Variants in VPS13C observed in about 807,000 individuals in gnomAD.
VPS13C encodes intermembrane lipid transfer protein VPS13C.
VPS13C carries 358 observed loss-of-function variants against 456.8 expected under a neutral mutation model. The observed-to-expected ratio is 0.78, with a 90% confidence interval of 0.72 to 0.86. The LOEUF (loss-of-function observed/expected upper bound fraction) is 0.86, where lower values mean the gene tolerates loss of function less well. Ranked by LOEUF, VPS13C falls within the 40% of genes least tolerant of loss-of-function variation. The pLI, the probability that VPS13C is intolerant of heterozygous loss-of-function variation, is 0.00. For synonymous variants in VPS13C, 1,578 were observed against 1,486.7 expected (o/e 1.06, Z -1.41); for missense variants, 4,818 against 4,385.4 (o/e 1.10, Z -2.79).
At chr15:61,952,606 T>A (rs1048316600) in intron 38 of VPS13C, among the ~76,000 whole-genome samples, 2 of 152,200 alleles carry the variant, frequency 1.3e-5, no homozygotes, top group African/African-American at 4.8e-5. Context: ...AAAACCTTCA[T>A]TAACTCTGAT....
At chr15:61,859,465 A>T (rs1894105822) in intron 82 of VPS13C, among the ~76,000 whole-genome samples, 1 of 152,186 alleles carries the variant, frequency 6.6e-6, no homozygotes, top group African/African-American at 2.4e-5. Context: ...GCTGCTACCT[A>T]TGACTGATCT....
At chr15:61,991,609 T>C (rs1202687856) in intron 17 of VPS13C, 64 bp downstream of exon 17, 3 of 1,505,262 alleles carry the variant, frequency 2.0e-6, no homozygotes, top group Non-Finnish European at 2.7e-6. Flanking sequence ...ACAGGGAAGA[T>C]ATAATTTACA....
chr15:61,900,248 G>A (rs2042956157), intron 66 of VPS13C, among the ~76,000 whole-genome samples: 4 of 152,140 alleles, frequency 2.6e-5, no homozygotes, highest in Admixed American at 2.6e-4. Flanking sequence ...ACATAGTGTT[G>A]GAAGTTCTTG....
intron 67 of VPS13C, among the ~76,000 whole-genome samples, chr15:61,888,482 G>T (rs1448405638): frequency 1.3e-5 from 2 of 152,004 alleles, no homozygotes; most frequent in African/African-American, 4.8e-5. Flanking sequence ...ACAAACTGGA[G>T]TAATAGTCCA....
intron 15 of VPS13C, among the ~76,000 whole-genome samples, chr15:62,002,105 C>G (rs540413576): frequency 6.6e-6 from 1 of 152,170 alleles, no homozygotes; most frequent in Non-Finnish European, 1.5e-5. Context: ...CTGACTTCCA[C>G]AATGGTTGAA....
intron 1 of VPS13C, among the ~76,000 whole-genome samples, chr15:62,059,450 C>T (rs1281662642): frequency 6.6e-6 from 1 of 151,818 alleles, no homozygotes; most frequent in Non-Finnish European, 1.5e-5. Flanking sequence ...ACACGTAATT[C>T]ATGCAAACGA....
intron 40 of VPS13C, among the ~76,000 whole-genome samples, 170 bp from the exon 41 acceptor site, chr15:61,950,587 T>C (rs1404006302): frequency 2.7e-5 from 4 of 150,834 alleles, no homozygotes; most frequent in Non-Finnish European, 5.9e-5. Flanking sequence ...ACTGACCACA[T>C]AAGCATTTCT....
At chr15:61,904,615 C>T (rs1480524408) in intron 66 of VPS13C, among the ~76,000 whole-genome samples, 1 of 151,922 alleles carries the variant, frequency 6.6e-6, no homozygotes, top group East Asian at 1.9e-4. Context: ...AAAAACAGAA[C>T]TATAATCCGC....
intron 75 of VPS13C, among the ~76,000 whole-genome samples, chr15:61,876,440 A>G (rs1423031985): frequency 6.6e-6 from 1 of 152,058 alleles, no homozygotes; most frequent in Non-Finnish European, 1.5e-5. Flanking sequence ...AAGGGAAAAC[A>G]TATCCTCATT....
At chr15:61,856,231 A>G (rs749084966) in intron 83 of VPS13C, 55 bp downstream of exon 83, 349 of 1,599,946 alleles carry the variant, frequency 2.2e-4, no homozygotes, top group Middle Eastern at 1.8e-3. Context: ...GTTAACTGCA[A>G]AACAGTCTAA....
At chr15:62,045,885 C>A (rs1223125043) in intron 1 of VPS13C, among the ~76,000 whole-genome samples, 1 of 151,988 alleles carries the variant, frequency 6.6e-6, no homozygotes, top group Non-Finnish European at 1.5e-5. Flanking sequence ...AAAATGTTCA[C>A]AGAATATTGA....
At chr15:61,933,213 C>CT (rs2044119346) in intron 49 of VPS13C, among the ~76,000 whole-genome samples, 1 of 152,128 alleles carries the variant, frequency 6.6e-6, no homozygotes, top group Non-Finnish European at 1.5e-5. Flanking sequence ...GATTCTAAGA[C>CT]TGCAGAACCA....
intron 59 of VPS13C, 38 bp from the exon 60 acceptor site, chr15:61,917,673 C>G: frequency 6.3e-7 from 1 of 1,576,664 alleles, no homozygotes; most frequent in Non-Finnish European, 8.6e-7. Flanking sequence ...AAGTTTTGAT[C>G]CACAACTTAA....
intron 81 of VPS13C, chr15:61,866,514 G>T: frequency 1.0e-6 from 1 of 984,904 alleles, no homozygotes; most frequent in Non-Finnish European, 1.2e-6. Flanking sequence ...ATTAAAAATT[G>T]TTACTTTAGA....
chr15:61,868,529 T>C (rs1207823070), intron 81 of VPS13C, 130 bp downstream of exon 81: 1 of 754,952 alleles, frequency 1.3e-6, no homozygotes, highest in Non-Finnish European at 2.2e-6. Context: ...AATCAAATTC[T>C]ACTCTAGAAA....
At chr15:62,023,548 C>A in intron 7 of VPS13C, 28 bp from the exon 8 acceptor site, 1 of 1,499,584 alleles carries the variant, frequency 6.7e-7, no homozygotes, top group South Asian at 1.3e-5. Context: ...AATACAAGCT[C>A]AAGAGTTGAA....
chr15:62,035,032 G>C lies in VPS13C; in HGVS notation c.208C>G (p.Pro70Ala), dbSNP rs1245655927. Residue 70 changes from proline to alanine, a missense_variant, in exon 4 of 85, where the codon CCT becomes GCT. This residue lies in a region of VPS13C where 4,552 missense variants were observed against 4,130.6 expected (regional missense o/e 1.10). Transcript: ENST00000644861. ...GCTTCTCCATAAAGGTTCTTCCAAG[G>C]AATCTTCAAAGTTAATTTATCTAAG... ...GQIDKLTLKI[P>A]WKNLYGEAVV... 7 of 1,605,920 alleles carry C rather than the reference G, an allele frequency of 4.4e-6. No individual in the cohort carries two copies. In the African/African-American group the frequency reaches 9.4e-5, roughly 22 times the overall value.
chr15:61,874,957 A>G lies in VPS13C; in HGVS notation c.10339-6T>C. ...TCAGGGCCTTGAACAGCACCCTGGC[A>G]AAAAAAAATAAAAAATAATCTTATT... On this transcript the variant is annotated splice_region_variant and splice_polypyrimidine_tract_variant and intron_variant, in intron 76 of 84. Coordinates refer to ENST00000644861, the MANE Select transcript of VPS13C (RefSeq NM_020821.3). The G allele has an allele frequency of 6.9e-7, 1 of 1,450,474 alleles. No homozygotes were observed. The allele number at this position is 1,450,474 out of a possible 1,614,324, so 89.9% of individuals were successfully genotyped here.
Position 61,884,242 on chromosome 15 carries a change from T to C in VPS13C, c.9369A>G (p.Pro3123=), listed in dbSNP as rs541190596. 69 of 1,611,332 alleles carry C rather than the reference T, an allele frequency of 4.3e-5. 2 individuals carry two copies. In the South Asian group the frequency reaches 7.1e-4, roughly 16 times the overall value. The change falls in exon 68 of 85, where the codon CCA becomes CCG. Residue 3123 remains proline, a synonymous_variant. Coordinates refer to ENST00000644861, the MANE Select transcript of VPS13C (RefSeq NM_020821.3). ...TSSGVVWEVK[P]KQKWKPFSQK... is the part of the protein sequence containing the mutation. ...GACTAAATGGCTTCCATTTCTGCTT[T>C]GGTTTCACCTCCCAAACAACACCAG...
Sources: gnomAD v4.1 joint callset for allele counts (sites outside exome capture counted in the v4.1 genomes callset) on GRCh38, gnomAD v4.1.1 for gene constraint, gnomAD v4.1.1 regional missense constraint, MANE v1.5 for transcripts, NCBI Gene and HGNC (gene_info 2026-07-23, HGNC 2026-07-21) for gene names.